Variants in CYTH1 observed in about 807,000 individuals in gnomAD.
CYTH1 encodes the protein cytohesin-1.
In CYTH1, 18 loss-of-function variants were observed where a neutral mutation model predicts 61.8. The observed-to-expected ratio is 0.29, with a 90% CI of 0.20 to 0.43. CYTH1 has a LOEUF of 0.43. Among genes scored for constraint, CYTH1 ranks in the 20% least tolerant of loss-of-function variants. CYTH1 has a pLI of 1.00. For synonymous variants in CYTH1, 174 were observed against 184.3 expected (o/e 0.94, Z 0.45); for missense variants, 336 against 510.5 (o/e 0.66, Z 3.29).
chr17:78,710,206 T>A (rs1489125969), intron 1 of CYTH1, among the ~76,000 whole-genome samples: 1 of 152,148 alleles, frequency 6.6e-6, no homozygotes, highest in African/African-American at 2.4e-5. Context: ...AACAATTTTG[T>A]GCCATCTCTG....
At chr17:78,681,185 A>C (rs1034874166) in intron 11 of CYTH1, 143 bp from the exon 12 acceptor site, 3 of 744,826 alleles carry the variant, frequency 4.0e-6, no homozygotes, top group Non-Finnish European at 6.7e-6. Context: ...AACTCCTTAC[A>C]TTCTAAACAA....
chr17:78,713,559 C>A (rs1418143717), intron 1 of CYTH1, among the ~76,000 whole-genome samples: 1 of 151,732 alleles, frequency 6.6e-6, no homozygotes, highest in Non-Finnish European at 1.5e-5. Flanking sequence ...TATCTCAAGA[C>A]TGCTATATAC....
chr17:78,688,486 G>A (rs560487148), intron 11 of CYTH1, among the ~76,000 whole-genome samples: 1 of 152,308 alleles, frequency 6.6e-6, no homozygotes, highest in Admixed American at 6.5e-5. Flanking sequence ...CCTAGTTACG[G>A]TGCTGGCCGA....
intron 1 of CYTH1, among the ~76,000 whole-genome samples, chr17:78,718,814 C>T (rs1193664196): frequency 6.6e-6 from 1 of 152,218 alleles, no homozygotes; most frequent in Non-Finnish European, 1.5e-5. Flanking sequence ...AAAGATAAAG[C>T]TGTGAGCACA....
chr17:78,711,302 A>AAATAAATAAT (rs1349893231), intron 1 of CYTH1, among the ~76,000 whole-genome samples: 2 of 132,250 alleles, frequency 1.5e-5, no homozygotes, highest in African/African-American at 6.0e-5. Flanking sequence ...ATAAATAAAT[A>AAATAAATAAT]ATATATATAT....
chr17:78,765,731 G>A (rs1031107170), intron 1 of CYTH1, among the ~76,000 whole-genome samples: 4 of 152,180 alleles, frequency 2.6e-5, no homozygotes, highest in African/African-American at 9.7e-5. Flanking sequence ...ACAAGACAGT[G>A]GTGTTTCCAG....
At chr17:78,699,811 G>C (rs1219509215) in intron 7 of CYTH1, among the ~76,000 whole-genome samples, 1 of 152,102 alleles carries the variant, frequency 6.6e-6, no homozygotes, top group Non-Finnish European at 1.5e-5. Flanking sequence ...TTGAGACAGG[G>C]TCTCACTCTG....
intron 1 of CYTH1, among the ~76,000 whole-genome samples, chr17:78,773,974 A>C (rs1438623108): frequency 5.3e-5 from 8 of 152,240 alleles, no homozygotes; most frequent in African/African-American, 1.7e-4. Context: ...ATGCAAAATA[A>C]AAATTTTTTT....
At position 78,736,315 on chromosome 17, in the gene CYTH1, C is replaced by A. The variant is rs2093319681; in HGVS notation, c.23-26583G>T. 7.9e-5 allele frequency among the ~76,000 whole-genome samples: 12 copies of A among 152,094 alleles called. No homozygotes were observed. The South Asian group carries it at 2.5e-3, about 32-fold the overall frequency. On this transcript the variant is annotated intron_variant, in intron 1 of 13. Coordinates refer to ENST00000446868, the MANE Select transcript of CYTH1 (RefSeq NM_004762.6). ...TGAAGTGGAATCTACCAAGAAACACCCAAGGCGGAACTCTAACGAAAGCAA... is the reference window on the plus strand; with the variant it reads ...TGAAGTGGAATCTACCAAGAAACACACAAGGCGGAACTCTAACGAAAGCAA...
intron 13 of CYTH1, among the ~76,000 whole-genome samples, chr17:78,679,872 G>A (rs2092739622): frequency 6.6e-6 from 1 of 152,232 alleles, no homozygotes; most frequent in Non-Finnish European, 1.5e-5. Context: ...CTATGAGAAT[G>A]AGAGCGGCTT....
Position 78,692,400 on chromosome 17 carries a change from G to A in CYTH1, c.891+17C>T, listed in dbSNP as rs768700248. 29 of 1,613,812 alleles carry A rather than the reference G, an allele frequency of 1.8e-5. No individual in the cohort carries two copies. The highest frequency in any genetic ancestry group is 1.7e-4 in the Middle Eastern group (1 of 6,058). Reference sequence around the variant, plus strand: ...CTTGCCCATCCCTAGTCTGGAGGCCGACTAGCAGGTGCTCACCGTGGTATA... The same window carrying A: ...CTTGCCCATCCCTAGTCTGGAGGCCAACTAGCAGGTGCTCACCGTGGTATA... On this transcript the variant is annotated intron_variant, in intron 11 of 13. Coordinates refer to ENST00000446868, the MANE Select transcript of CYTH1 (RefSeq NM_004762.6).
At chr17:78,770,721 T>A (rs558315677) in intron 1 of CYTH1, among the ~76,000 whole-genome samples, 5 of 152,308 alleles carry the variant, frequency 3.3e-5, no homozygotes, top group African/African-American at 9.6e-5. Context: ...TAGGTTTTTT[T>A]AATAGCCTTA....
At chr17:78,680,133 C>A in intron 13 of CYTH1, 57 bp downstream of exon 13, 3 of 1,599,116 alleles carry the variant, frequency 1.9e-6, no homozygotes, top group Admixed American at 1.7e-5. Flanking sequence ...ATGATCAACA[C>A]CTGGTGAGGT....
chr17:78,695,225 A>G (rs1260186961), intron 10 of CYTH1, among the ~76,000 whole-genome samples: 4 of 152,230 alleles, frequency 2.6e-5, no homozygotes, highest in Non-Finnish European at 4.4e-5. Context: ...CCAAAACCAT[A>G]ACCAGGAGAC....
rs569863071 is a variant in CYTH1 at position 78,756,992 on chromosome 17, T to C, written c.22+25210A>G. 2.7e-3 allele frequency among the ~76,000 whole-genome samples: 402 copies of C among 147,070 alleles called. 2 individuals are homozygous for C. The highest frequency in any genetic ancestry group is 6.2e-3 in the African/African-American group (249 of 39,972). Reference sequence around the variant, plus strand: ...TTGAATTTTTTTCTTTTTTTTCTTTTTTTTTTTTTTTTTTGAGATGGAGTC... The same window carrying C: ...TTGAATTTTTTTCTTTTTTTTCTTTCTTTTTTTTTTTTTTGAGATGGAGTC... On this transcript the variant is annotated intron_variant, in intron 1 of 13. Transcript: ENST00000446868.
At chr17:78,735,283 G>C (rs2093315470) in intron 1 of CYTH1, among the ~76,000 whole-genome samples, 1 of 152,200 alleles carries the variant, frequency 6.6e-6, no homozygotes. Context: ...CTATTACACA[G>C]CACCTCCGGT....
intron 11 of CYTH1, among the ~76,000 whole-genome samples, chr17:78,689,892 TCTC>T (rs774698855): frequency 1.3e-5 from 2 of 151,816 alleles, no homozygotes; most frequent in Non-Finnish European, 2.9e-5. Context: ...GACTGCCGGG[TCTC>T]CTCAAATCCT....
intron 9 of CYTH1, 65 bp downstream of exon 9, chr17:78,698,204 C>G: frequency 7.4e-7 from 1 of 1,347,868 alleles, no homozygotes; most frequent in South Asian, 1.2e-5. Flanking sequence ...CACGCACACA[C>G]GCACACACAC....
Position 78,700,200 on chromosome 17 carries a change from A to C in CYTH1, c.550+131T>G. ...TTCAGGTTATTTCCAACATTTTACT[A>C]TTATAACTATCATTGAGTAAACGTT... is the stretch of plus-strand genomic sequence containing the variant. On this transcript the variant is annotated intron_variant, in intron 7 of 13. Transcript: ENST00000446868. This position sits in a 1 kb window ranked among gnomAD's most constrained non-coding sequence, Gnocchi z 5.1. 1 of 762,242 alleles carries C rather than the reference A, an allele frequency of 1.3e-6. No individual in the cohort carries two copies. The highest frequency in any genetic ancestry group is 2.0e-6 in the Non-Finnish European group (1 of 490,164). The allele number at this position is 762,242 out of a possible 1,614,324, so 47.2% of individuals were successfully genotyped here.
Sources: allele counts gnomAD v4.1 joint callset (sites outside exome capture counted in the v4.1 genomes callset), GRCh38; gene constraint gnomAD v4.1.1; non-coding constraint Gnocchi (gnomAD v3.1); transcripts MANE v1.5; gene names NCBI Gene and HGNC (gene_info 2026-07-23, HGNC 2026-07-21).